Variants in QTMAN observed in about 807,000 individuals in gnomAD.
QTMAN encodes tRNA-queuosine alpha-mannosyltransferase.
chr2:143,986,937 T>G, the QTMAN span, among the ~76,000 whole-genome samples: 1 of 152,104 alleles, frequency 6.6e-6, no homozygotes. Context: ...GTGTGAAATA[T>G]CAAACAAAAG....
chr2:143,981,273 A>G, the QTMAN span, among the ~76,000 whole-genome samples: 17 of 152,218 alleles, frequency 1.1e-4, no homozygotes, highest in East Asian at 3.8e-4. Context: ...TGATAGCTGA[A>G]TAGAGACATT....
At chr2:144,058,088 A>G in the QTMAN span, among the ~76,000 whole-genome samples, 2 of 151,142 alleles carry the variant, frequency 1.3e-5, no homozygotes, top group African/African-American at 2.4e-5. Context: ...AAAAACCAGA[A>G]GGAAAAAAAA....
At chr2:144,012,564 T>C in the QTMAN span, among the ~76,000 whole-genome samples, 1 of 152,318 alleles carries the variant, frequency 6.6e-6, no homozygotes, top group East Asian at 1.9e-4. Flanking sequence ...TGTTGATTCA[T>C]GTGCCGTTGA....
At chr2:144,218,738 C>T in the QTMAN span, among the ~76,000 whole-genome samples, 3 of 152,058 alleles carry the variant, frequency 2.0e-5, no homozygotes, top group African/African-American at 4.8e-5. Context: ...ATATTCTCAA[C>T]GTCCTATTTG....
chr2:144,004,115 C>G, the QTMAN span, among the ~76,000 whole-genome samples: 3 of 152,098 alleles, frequency 2.0e-5, no homozygotes, highest in East Asian at 5.8e-4. Context: ...GGTGAAAATG[C>G]AACAGACTTC....
chr2:144,253,138 C>A, the QTMAN span, among the ~76,000 whole-genome samples: 1 of 152,090 alleles, frequency 6.6e-6, no homozygotes, highest in Non-Finnish European at 1.5e-5. Flanking sequence ...GAGCTTTTCC[C>A]CCTTTGCTTG....
the QTMAN span, among the ~76,000 whole-genome samples, chr2:144,255,067 G>A: frequency 6.6e-6 from 1 of 152,158 alleles, no homozygotes; most frequent in Non-Finnish European, 1.5e-5. Flanking sequence ...TGTCTCAGAT[G>A]AGACTTTGGA....
At chr2:144,079,063 T>G in the QTMAN span, among the ~76,000 whole-genome samples, 3 of 152,150 alleles carry the variant, frequency 2.0e-5, no homozygotes, top group Non-Finnish European at 4.4e-5. Context: ...GAGTGTGACA[T>G]AATCTGAACT....
At chr2:144,242,960 TAAAAAA>T in the QTMAN span, among the ~76,000 whole-genome samples, 93 of 77,800 alleles carry the variant, frequency 1.2e-3, no homozygotes, top group African/African-American at 5.4e-3. Context: ...AGACTCTACT[TAAAAAA>T]AAAAAAAAAA....
chr2:144,286,575 G>A, the QTMAN span, among the ~76,000 whole-genome samples: 13 of 152,022 alleles, frequency 8.6e-5, no homozygotes, highest in African/African-American at 3.1e-4. Flanking sequence ...TCTTTTCAAG[G>A]GTGAGTTCTA....
At chr2:144,025,033 T>C in the QTMAN span, among the ~76,000 whole-genome samples, 1 of 152,196 alleles carries the variant, frequency 6.6e-6, no homozygotes, top group Non-Finnish European at 1.5e-5. Flanking sequence ...TTTCCTATCA[T>C]CCTGGCATTT....
At chr2:144,065,173 G>T in the QTMAN span, among the ~76,000 whole-genome samples, 2 of 152,176 alleles carry the variant, frequency 1.3e-5, no homozygotes, top group Non-Finnish European at 2.9e-5. Context: ...CCCATTTTAT[G>T]ACCTGTGCTC....
At chr2:144,154,810 C>T in the QTMAN span, among the ~76,000 whole-genome samples, 1 of 152,174 alleles carries the variant, frequency 6.6e-6, no homozygotes, top group Non-Finnish European at 1.5e-5. Flanking sequence ...GTTTTCCTAA[C>T]TTGGCAGCTA....
At chr2:144,231,794 T>C in the QTMAN span, among the ~76,000 whole-genome samples, 3 of 151,730 alleles carry the variant, frequency 2.0e-5, no homozygotes. Flanking sequence ...AGTCACTGAA[T>C]AGTGGTTAAT....
the QTMAN span, among the ~76,000 whole-genome samples, chr2:144,207,859 ATT>A: frequency 6.6e-6 from 1 of 151,652 alleles, no homozygotes; most frequent in South Asian, 2.1e-4. Context: ...TATTATTATT[ATT>A]GTTATTATTA....
the QTMAN span, chr2:144,007,468 C>T: frequency 1.2e-6 from 2 of 1,612,692 alleles, no homozygotes; most frequent in East Asian, 2.2e-5. Flanking sequence ...ATGGACAGAA[C>T]CGCACCGCCA....
chr2:144,174,358 C>A, the QTMAN span, among the ~76,000 whole-genome samples: 1 of 152,174 alleles, frequency 6.6e-6, no homozygotes, highest in Non-Finnish European at 1.5e-5. Flanking sequence ...ATAGCCTCCC[C>A]CCTCATTTGG....
chr2:144,170,044 A>T, the QTMAN span, among the ~76,000 whole-genome samples: 1 of 152,152 alleles, frequency 6.6e-6, no homozygotes, highest in Non-Finnish European at 1.5e-5. Flanking sequence ...TTCATAATAT[A>T]ATTTTGATTT....
At chr2:143,984,690 T>A in the QTMAN span, among the ~76,000 whole-genome samples, 1 of 151,910 alleles carries the variant, frequency 6.6e-6, no homozygotes, top group Non-Finnish European at 1.5e-5. Flanking sequence ...GACCCTAAAC[T>A]CAGTGGACAC....
Sources: gnomAD v4.1 joint callset for allele counts (sites outside exome capture counted in the v4.1 genomes callset) on GRCh38, gnomAD v4.1.1 for gene constraint, MANE v1.5 for transcripts, NCBI Gene and HGNC (gene_info 2026-07-23, HGNC 2026-07-21) for gene names.